Variants in TMPRSS5 observed in about 807,000 individuals in gnomAD.
TMPRSS5 encodes transmembrane protease serine 5.
In TMPRSS5, 45 loss-of-function variants were observed where a neutral mutation model predicts 59.7. The observed-to-expected ratio is 0.75, with a 90% CI of 0.59 to 0.97. The LOEUF is 0.97. Ranked by LOEUF, TMPRSS5 falls within the 50% of genes least tolerant of loss-of-function variation. The pLI is 0.00. For missense variants in TMPRSS5, 585 were observed against 596.7 expected (o/e 0.98, Z 0.20); for synonymous variants, 225 against 232.0 (o/e 0.97, Z 0.27).
chr11:113,690,175 T>TCCCCCCCCCCCCCCCCCCCCCCCCC, intron 11 of TMPRSS5, 56 bp downstream of exon 11: 3 of 159,590 alleles, frequency 1.9e-5, no homozygotes, highest in South Asian at 8.9e-5. Flanking sequence ...GCAGGCCCCC[T>TCCCCCCCCCCCCCCCCCCCCCCCCC]GCCCTCCCAC....
rs140693471 is a variant in TMPRSS5 at position 113,699,276 on chromosome 11, T to TCTCC, written c.206-250_206-249insGGAG. On this transcript the variant is annotated intron_variant, in intron 3 of 12. Coordinates refer to ENST00000299882, the MANE Select transcript of TMPRSS5 (RefSeq NM_030770.4). ...CTCTCTCTCTCTCTCTCTCTCCCTC[T>TCTCC]CTCTCTCTCTCTCTCTGTCTCTCTC... Among the ~76,000 whole-genome samples the TCTCC allele has an allele frequency of 7.6e-4, 71 of 92,974 alleles. 2 individuals carry two copies. The highest frequency in any genetic ancestry group is 1.1e-3 in the African/African-American group (25 of 23,462). 61.0% of individuals were successfully genotyped at this position (92,974 alleles called of 152,430 possible). A position where few individuals can be genotyped will look rare whatever the true frequency, so the allele number is the denominator to read the frequency against.
In TMPRSS5 at chr11:113,690,287, G is replaced by A. The variant is rs1309526768; in HGVS notation, c.1150C>T (p.Leu384Phe). 8 of 1,576,504 alleles carry A rather than the reference G, an allele frequency of 5.1e-6. No homozygotes were observed. Among genetic ancestry groups the A allele is most frequent in the Non-Finnish European group, 6.0e-6 (7 of 1,162,372 alleles). Residue 384 changes from leucine to phenylalanine, a missense_variant, in exon 11 of 13, where the codon CTC (leucine) becomes TTC (phenylalanine). Coordinates refer to ENST00000299882, the MANE Select transcript of TMPRSS5 (RefSeq NM_030770.4). ...CCAGCGCAAAGCATGCGGGGGGTGA[G>A]GGCTCCGCTGTACACGCAAGAGCTG... is the stretch of plus-strand genomic sequence containing the variant. ...CNSSCVYSGA[L>F]TPRMLCAGYL...
At chr11:113,698,361 G>A (rs999932921) in intron 4 of TMPRSS5, among the ~76,000 whole-genome samples, 1 of 152,176 alleles carries the variant, frequency 6.6e-6, no homozygotes, top group Non-Finnish European at 1.5e-5. Flanking sequence ...TATGGAGAAG[G>A]AAACAGAAGC....
At position 113,693,243 on chromosome 11, in the gene TMPRSS5, C is replaced by A; in HGVS notation, c.792G>T (p.Arg264Ser). The A allele has an allele frequency of 3.8e-6, 6 of 1,560,704 alleles. No individual in the cohort carries two copies. In the South Asian group the frequency reaches 6.0e-5, roughly 16 times the overall value. The change falls in exon 9 of 13, where the codon AGG (arginine) becomes AGT (serine). Residue 264 changes from arginine to serine, a missense_variant. Arg to Ser is a moderately radical substitution (Grantham distance 110). Coordinates refer to ENST00000299882, the MANE Select transcript of TMPRSS5 (RefSeq NM_030770.4). ...CCCGCCAGCTGGACAGGCGGGCCAG[C>A]CTGAAACTGCACACAGGGGCCATGC... ...VTAAHCMHSF[R>S]LARLSSWRVH...
intron 11 of TMPRSS5, 42 bp downstream of exon 11, chr11:113,690,189 C>CCCCCA: frequency 1.4e-6 from 2 of 1,406,506 alleles, no homozygotes; most frequent in Non-Finnish European, 1.9e-6. Context: ...CTCCCACCCC[C>CCCCCA]ACCTCCACTC....
rs1472536210 is a variant in TMPRSS5 at position 113,699,130 on chromosome 11, C to T, written c.206-103G>A. ...TGCTCTCAGGCAGCTCCCCAACCAACCTGCTGAGGAGGGGCATAGCGCTCC... is the reference window on the plus strand; with the variant it reads ...TGCTCTCAGGCAGCTCCCCAACCAATCTGCTGAGGAGGGGCATAGCGCTCC... On this transcript the variant is annotated intron_variant, in intron 3 of 12. Coordinates refer to ENST00000299882, the MANE Select transcript of TMPRSS5 (RefSeq NM_030770.4). 2.3e-6 allele frequency: 3 copies of T among 1,313,000 alleles called. No homozygotes were observed. In the African/African-American group the frequency reaches 4.4e-5, roughly 19 times the overall value. The allele number at this position is 1,313,000 out of a possible 1,614,324, so 81.3% of individuals were successfully genotyped here. A position where few individuals can be genotyped will look rare whatever the true frequency, so the allele number is the denominator to read the frequency against.
chr11:113,696,498 C>A (rs1414641473), intron 6 of TMPRSS5, among the ~76,000 whole-genome samples: 2 of 152,306 alleles, frequency 1.3e-5, no homozygotes, highest in African/African-American at 4.8e-5. Flanking sequence ...GAGACAGGAG[C>A]CTGGTTTCAA....
chr11:113,694,734 A>T, intron 7 of TMPRSS5, 94 bp from the exon 8 acceptor site: 1 of 1,271,232 alleles, frequency 7.9e-7, no homozygotes, highest in Non-Finnish European at 1.1e-6. Flanking sequence ...GCTAAGCCCC[A>T]GAGAGCCAGT....
At position 113,696,876 on chromosome 11, in the gene TMPRSS5, T is replaced by C. The variant is rs779277767; in HGVS notation, c.560A>G (p.Glu187Gly). 4 of 1,567,288 alleles carry C rather than the reference T, an allele frequency of 2.6e-6. No individual in the cohort carries two copies. The Admixed American group carries it at 7.5e-5, about 30-fold the overall frequency. The change falls in exon 6 of 13, where the codon GAG becomes GGG. Residue 187 changes from glutamate to glycine, a missense_variant. Coordinates refer to ENST00000299882, the MANE Select transcript of TMPRSS5 (RefSeq NM_030770.4). ...GTCCTACCTGGGCTGCCACGCCTCC[T>C]CCAGGAAGCCTCCCAGTCTAGGAGA... The part of the protein sequence containing the change: ...QLSPRLGGFL[E>G]EAWQPRNNCT...
chr11:113,690,311 T>G lies in TMPRSS5; in HGVS notation c.1126A>C (p.Ser376Arg), dbSNP rs960051001. ...AGGGCTCCGCTGTACACGCAAGAGCTGTTGCAGAGCTGAGTGCTGAACAAG... is the reference window on the plus strand; with the variant it reads ...AGGGCTCCGCTGTACACGCAAGAGCGGTTGCAGAGCTGAGTGCTGAACAAG... Reference protein sequence around the residue: ...VPLFSTQLCNSSCVYSGALTP... With the variant: ...VPLFSTQLCNRSCVYSGALTP... The change falls in exon 11 of 13, where the codon AGC becomes CGC. Residue 376 changes from serine to arginine, a missense_variant. Transcript: ENST00000299882. 6 of 1,598,818 alleles carry G rather than the reference T, an allele frequency of 3.8e-6. No homozygotes were observed. The highest frequency in any genetic ancestry group is 5.1e-6 in the Non-Finnish European group (6 of 1,173,648).
intron 6 of TMPRSS5, among the ~76,000 whole-genome samples, chr11:113,696,189 T>C (rs1276614700): frequency 6.6e-6 from 1 of 152,136 alleles, no homozygotes; most frequent in Non-Finnish European, 1.5e-5. Context: ...AGGAGGGGCC[T>C]GAAGGAACAG....
At chr11:113,689,991 T>C (rs565821201) in intron 11 of TMPRSS5, 74 bp from the exon 12 acceptor site, 36 of 1,422,492 alleles carry the variant, frequency 2.5e-5, no homozygotes, top group Non-Finnish European at 2.7e-5. Flanking sequence ...CAGACCACTA[T>C]GGCAAGTGGA....
chr11:113,697,374 C>T lies in TMPRSS5; in HGVS notation c.373G>A (p.Val125Met), dbSNP rs7939917. Residue 125 changes from valine to methionine, a missense_variant, in exon 5 of 13, where the codon GTG becomes ATG. Physicochemically the swap from Val to Met is conservative, Grantham distance 21. Transcript: ENST00000299882. ...NSEDFLLEAQ[V>M]RDQPRWLLVC... ...AGGAGCCAGCGTGGCTGATCCCTCA[C>T]TTGCGCTTCCAGCAAGAAGTCTTCG... The T allele has an allele frequency of 1.6e-3, 2,659 of 1,613,858 alleles. 36 individuals are homozygous for T. In the African/African-American group the frequency reaches 0.029, roughly 18 times the overall value.
At chr11:113,690,176 G>GGGCCCC in intron 11 of TMPRSS5, 55 bp downstream of exon 11, 3 of 388,230 alleles carry the variant, frequency 7.7e-6, no homozygotes, top group Non-Finnish European at 1.2e-5. Flanking sequence ...CAGGCCCCCT[G>GGGCCCC]CCCTCCCACC....
In TMPRSS5 at chr11:113,687,826, C is replaced by T. The variant is rs1354804231; in HGVS notation, c.*434G>A. On this transcript the variant is annotated 3_prime_UTR_variant, in exon 13 of 13. Coordinates refer to ENST00000299882, the MANE Select transcript of TMPRSS5 (RefSeq NM_030770.4). Reference sequence around the variant, plus strand: ...GAGTCCTCTAGGGAGGCACTTAGCCCACCTAGAGCACAGGAAAAAGGTGGG... The same window carrying T: ...GAGTCCTCTAGGGAGGCACTTAGCCTACCTAGAGCACAGGAAAAAGGTGGG... 1 of 160,330 alleles carries T rather than the reference C, an allele frequency of 6.2e-6. No individual in the cohort carries two copies. Among genetic ancestry groups the T allele is most frequent in the Non-Finnish European group, 1.4e-5 (1 of 73,772 alleles). 9.9% of individuals were successfully genotyped at this position (160,330 alleles called of 1,614,324 possible). A position where few individuals can be genotyped will look rare whatever the true frequency, so the allele number is the denominator to read the frequency against.
At position 113,706,287 on chromosome 11, in the gene TMPRSS5, C is replaced by T; in HGVS notation, c.-63G>A. 6.3e-7 allele frequency: 1 copy of T among 1,579,716 alleles called. No individual in the cohort carries two copies. The highest frequency in any genetic ancestry group is 8.6e-7 in the Non-Finnish European group (1 of 1,161,948). ...CTAGGCAATGTTCCGCTCCTGTTCT[C>T]AGGCCAGCATTGATTAAAGCTAGCC... On this transcript the variant is annotated 5_prime_UTR_variant, in exon 1 of 13. The change abolishes the stop of an existing upstream ORF in the 5' untranslated region. Transcript: ENST00000299882.
intron 4 of TMPRSS5, 172 bp downstream of exon 4, chr11:113,698,733 C>A: frequency 1.3e-6 from 1 of 764,130 alleles, no homozygotes; most frequent in Non-Finnish European, 2.1e-6. Flanking sequence ...GCTGAAAGCC[C>A]CAAATCAGAG....
Position 113,695,440 on chromosome 11 carries a change from G to T in TMPRSS5, c.582C>A (p.Asn194Lys). The T allele has an allele frequency of 2.5e-6, 4 of 1,613,962 alleles. No individual in the cohort carries two copies. Among genetic ancestry groups the T allele is most frequent in the Non-Finnish European group, 3.4e-6 (4 of 1,179,878 alleles). The change falls in exon 7 of 13, where the codon AAC (asparagine) becomes AAA (lysine). Residue 194 changes from asparagine to lysine, a missense_variant. Physicochemically the swap from Asn to Lys is moderately conservative, Grantham distance 94. Transcript: ENST00000299882. ...GFLEEAWQPR[N>K]NCTSGQVVSL... ...AAACAACTTGACCAGAAGTGCAGTTGTTCCTGCAAAACAGAGGTACCAACA... is the reference window on the plus strand; with the variant it reads ...AAACAACTTGACCAGAAGTGCAGTTTTTCCTGCAAAACAGAGGTACCAACA...
Position 113,695,400 on chromosome 11 carries a change from C to T in TMPRSS5, c.622G>A (p.Glu208Lys). 1 of 1,613,922 alleles carries T rather than the reference C, an allele frequency of 6.2e-7. No individual in the cohort carries two copies. Among genetic ancestry groups the T allele is most frequent in the Non-Finnish European group, 8.5e-7 (1 of 1,179,880 alleles). Residue 208 changes from glutamate (E) to lysine (K), a missense_variant and splice_region_variant, in exon 7 of 13, where the codon GAG (glutamate) becomes AAG (lysine). Coordinates refer to ENST00000299882, the MANE Select transcript of TMPRSS5 (RefSeq NM_030770.4). ...SGQVVSLRCS[E>K]CGARPLASRI... The stretch of plus-strand genomic sequence containing the variant: ...TCCCCTAGACCAAGATATGACTCAC[C>T]AGAGCATCTGAGGGAAACAACTTGA...
Sources: gnomAD v4.1 joint callset for allele counts (sites outside exome capture counted in the v4.1 genomes callset) on GRCh38, gnomAD v4.1.1 for gene constraint, MANE v1.5 for transcripts, NCBI Gene and HGNC (gene_info 2026-07-23, HGNC 2026-07-21) for gene names.